The following SLC35D4 variants were observed in gnomAD, a reference collection of about 807,000 sequenced individuals.
SLC35D4 encodes the protein UDP-N-acetylglucosamine transporter SLC35D4.
At chr18:23,297,969 C>G in the SLC35D4 span, 1 of 1,609,532 alleles carries the variant, frequency 6.2e-7, no homozygotes, top group Non-Finnish European at 8.5e-7. Context: ...AGCTGTTCTC[C>G]CGCAGCAGCC....
At chr18:23,278,207 G>A in the SLC35D4 span, among the ~76,000 whole-genome samples, 9 of 152,116 alleles carry the variant, frequency 5.9e-5, no homozygotes, top group Non-Finnish European at 8.8e-5. Context: ...ACATACTCCC[G>A]CAACCTGACT....
the SLC35D4 span, among the ~76,000 whole-genome samples, chr18:23,312,187 C>A: frequency 6.6e-6 from 1 of 152,296 alleles, no homozygotes; most frequent in Admixed American, 6.5e-5. Context: ...GGGACAACTG[C>A]CCTGTCCCCC....
the SLC35D4 span, among the ~76,000 whole-genome samples, chr18:23,374,579 G>A: frequency 4.6e-5 from 7 of 150,566 alleles, no homozygotes; most frequent in African/African-American, 1.5e-4. Flanking sequence ...TCCGCCTCCC[G>A]GGTTCAAGCG....
At chr18:23,375,343 T>A in the SLC35D4 span, among the ~76,000 whole-genome samples, 2 of 152,096 alleles carry the variant, frequency 1.3e-5, no homozygotes, top group African/African-American at 2.4e-5. Flanking sequence ...TACAACTTAT[T>A]CTCAAATGAT....
the SLC35D4 span, among the ~76,000 whole-genome samples, chr18:23,268,571 G>A: frequency 6.6e-6 from 1 of 151,986 alleles, no homozygotes; most frequent in African/African-American, 2.4e-5. Context: ...CAAGTGTTGA[G>A]GGGTTGTAGC....
chr18:23,303,719 G>A, the SLC35D4 span, among the ~76,000 whole-genome samples: 1 of 151,300 alleles, frequency 6.6e-6, no homozygotes, highest in African/African-American at 2.4e-5. Flanking sequence ...TGGCCAACAT[G>A]GCAAAACCTG....
chr18:23,430,245 TA>T, the SLC35D4 span, among the ~76,000 whole-genome samples: 103 of 19,020 alleles, frequency 5.4e-3, no homozygotes, highest in African/African-American at 0.021. Flanking sequence ...TTTTCTTTTT[TA>T]TTTTTTTTTT....
chr18:23,297,178 T>C, the SLC35D4 span: 1 of 152,144 alleles, frequency 6.6e-6, no homozygotes, highest in Non-Finnish European at 1.5e-5. Context: ...TCCCAAAGCA[T>C]TGTGTTGTGC....
At chr18:23,351,322 G>A in the SLC35D4 span, among the ~76,000 whole-genome samples, 326 of 152,196 alleles carry the variant, frequency 2.1e-3, 2 homozygotes, top group East Asian at 9.9e-3. Context: ...CAGGAGGGTC[G>A]CTTGAGCCTG....
the SLC35D4 span, among the ~76,000 whole-genome samples, chr18:23,278,686 T>C: frequency 6.6e-6 from 1 of 152,114 alleles, no homozygotes; most frequent in East Asian, 1.9e-4. Flanking sequence ...TAAGTAGCCA[T>C]GGTATTATAA....
chr18:23,338,232 C>T, the SLC35D4 span, among the ~76,000 whole-genome samples: 1 of 152,206 alleles, frequency 6.6e-6, no homozygotes, highest in East Asian at 1.9e-4. Flanking sequence ...GAGACAATAA[C>T]TGATTAAATA....
At chr18:23,248,506 C>G in the SLC35D4 span, among the ~76,000 whole-genome samples, 1 of 117,656 alleles carries the variant, frequency 8.5e-6, no homozygotes, top group Admixed American at 8.7e-5. Context: ...TAGCAAGACC[C>G]TATGTCTTTT....
chr18:23,331,871 T>C, the SLC35D4 span, among the ~76,000 whole-genome samples: 149 of 149,268 alleles, frequency 1.0e-3, no homozygotes, highest in African/African-American at 3.5e-3. Context: ...CCATGGATTT[T>C]CTTGAACATG....
the SLC35D4 span, among the ~76,000 whole-genome samples, chr18:23,245,245 T>C: frequency 0.08 from 12,139 of 152,216 alleles, 833 homozygotes; most frequent in Admixed American, 0.24. Flanking sequence ...TAGTGCCTCA[T>C]GCCTGTAACC....
chr18:23,245,955 G>A, the SLC35D4 span, among the ~76,000 whole-genome samples: 1 of 152,194 alleles, frequency 6.6e-6, no homozygotes, highest in Non-Finnish European at 1.5e-5. Flanking sequence ...CCCATGGCCT[G>A]GAGTTAGGTG....
chr18:23,243,170 G>C, the SLC35D4 span, among the ~76,000 whole-genome samples: 2 of 152,006 alleles, frequency 1.3e-5, no homozygotes, highest in African/African-American at 4.8e-5. Flanking sequence ...TGGATTTGTT[G>C]GGAAGCTAAT....
chr18:23,251,986 T>C, the SLC35D4 span, among the ~76,000 whole-genome samples: 2 of 151,004 alleles, frequency 1.3e-5, no homozygotes, highest in Admixed American at 1.3e-4. Context: ...CTCAGGAAGC[T>C]GAGACAGGAG....
chr18:23,380,538 C>G, the SLC35D4 span, among the ~76,000 whole-genome samples: 1 of 152,178 alleles, frequency 6.6e-6, no homozygotes, highest in South Asian at 2.1e-4. Flanking sequence ...CACCCATACC[C>G]TGTGCCAGCC....
the SLC35D4 span, among the ~76,000 whole-genome samples, chr18:23,338,075 A>G: frequency 2.0e-4 from 30 of 152,254 alleles, no homozygotes; most frequent in African/African-American, 6.8e-4. Context: ...AATTAAGGCT[A>G]GTGAGTGATC....
Sources: allele counts gnomAD v4.1 joint callset (sites outside exome capture counted in the v4.1 genomes callset), GRCh38; gene constraint gnomAD v4.1.1; transcripts MANE v1.5; gene names NCBI Gene and HGNC (gene_info 2026-07-23, HGNC 2026-07-21).